Variants in SLC14A2 observed in about 807,000 individuals in gnomAD.
SLC14A2 encodes the protein urea transporter 2.
SLC14A2 carries 91 observed loss-of-function variants against 104.6 expected under a neutral mutation model. The ratio of observed to expected loss-of-function variants is 0.87; its 90% confidence interval spans 0.73 to 1.04. The LOEUF (loss-of-function observed/expected upper bound fraction) is 1.04, where lower values mean the gene tolerates loss of function less well. SLC14A2 is among the 50% of genes least tolerant of loss of function. The pLI, the probability that SLC14A2 is intolerant of heterozygous loss-of-function variation, is 0.00. For synonymous variants in SLC14A2, 476 were observed against 466.4 expected (o/e 1.02, Z -0.27); for missense variants, 1,189 against 1,156.0 (o/e 1.03, Z -0.41).
At chr18:45,269,341 T>C (rs1344084691) in intron 1 of SLC14A2, among the ~76,000 whole-genome samples, 1 of 152,126 alleles carries the variant, frequency 6.6e-6, no homozygotes, top group Non-Finnish European at 1.5e-5. Context: ...CTGTCATTTG[T>C]ACATTACTGA....
Position 45,640,581 on chromosome 18 carries a change from GGTAGGAGCATTGGGA to G in SLC14A2, c.992-621_992-607del, listed in dbSNP as rs773202352. Among the ~76,000 whole-genome samples the G allele has an allele frequency of 9.9e-5, 15 of 152,092 alleles. No individual in the cohort carries two copies. In the South Asian group the frequency reaches 1.9e-3, roughly 19 times the overall value. ...TTCTGACAACAGAGTCAGAGATTGG[GGTAGGAGCATTGGGA>G]GTAGGAACCTGTTTTAGACTTCTTC... On this transcript the variant is annotated intron_variant, in intron 7 of 19. Coordinates refer to ENST00000255226, the MANE Select transcript of SLC14A2 (RefSeq NM_007163.4).
intron 1 of SLC14A2, among the ~76,000 whole-genome samples, chr18:45,269,906 A>T (rs949426494): frequency 1.3e-5 from 2 of 152,130 alleles, no homozygotes; most frequent in Admixed American, 6.6e-5. Flanking sequence ...CTTTTTTTCT[A>T]TATGTGAGAA....
At chr18:45,611,496 C>T (rs1341784970), upstream of SLC14A2, among the ~76,000 whole-genome samples, 1 of 152,214 alleles carries the variant, frequency 6.6e-6, no homozygotes, top group African/African-American at 2.4e-5. Flanking sequence ...CATACCAGCC[C>T]AGCTTGCACA....
At chr18:45,231,571 C>A (rs551267509) in intron 1 of SLC14A2, among the ~76,000 whole-genome samples, 2 of 152,340 alleles carry the variant, frequency 1.3e-5, no homozygotes, top group South Asian at 2.1e-4. Flanking sequence ...AAAAACCCTT[C>A]GTTGTCTCCA....
Position 45,507,041 on chromosome 18 carries a change from G to T in SLC14A2, c.-35+23719G>T, listed in dbSNP as rs2043297685. ...CACTGTCCTTTCCTGTACATTGAAG[G>T]AGATGGACAGGACAAGGTCTACGAA... On this transcript the variant is annotated intron_variant, in intron 2 of 20. Transcript: ENST00000586448. 1.3e-5 allele frequency among the ~76,000 whole-genome samples: 2 copies of T among 152,192 alleles called. 1 individual carries two copies. The highest frequency in any genetic ancestry group is 4.1e-4 in the South Asian group (2 of 4,824).
chr18:45,670,567 T>G (rs1013544154), intron 16 of SLC14A2, among the ~76,000 whole-genome samples: 1 of 152,214 alleles, frequency 6.6e-6, no homozygotes, highest in African/African-American at 2.4e-5. Flanking sequence ...TCTCTTAGCT[T>G]TCCACAGTAA....
chr18:45,308,508 T>C (rs1358822417), intron 1 of SLC14A2, among the ~76,000 whole-genome samples: 1 of 152,154 alleles, frequency 6.6e-6, no homozygotes, highest in East Asian at 1.9e-4. Flanking sequence ...TCGCTGAACA[T>C]CGTGTGTAGC....
chr18:45,625,754 A>AGAC lies in SLC14A2; in HGVS notation c.227_229dup (p.Asp76dup). On this transcript the variant is annotated inframe_insertion, in exon 3 of 20. Coordinates refer to ENST00000255226, the MANE Select transcript of SLC14A2 (RefSeq NM_007163.4). ...AGCTCAATGAAAGGAGTAAAAGGAAAGACGACGGGGTGGCCCATCGGGACT... is the reference window on the plus strand; with the variant it reads ...AGCTCAATGAAAGGAGTAAAAGGAAAGACGACGACGGGGTGGCCCATCGGGACT... The AGAC allele has an allele frequency of 6.4e-7, 1 of 1,566,188 alleles. No individual in the cohort carries two copies. The highest frequency in any genetic ancestry group is 8.6e-7 in the Non-Finnish European group (1 of 1,161,432).
chr18:45,447,777 C>G (rs577014928), intron 1 of SLC14A2, among the ~76,000 whole-genome samples: 1 of 152,036 alleles, frequency 6.6e-6, no homozygotes, highest in Non-Finnish European at 1.5e-5. Flanking sequence ...GCAAATGGAG[C>G]CTTTATACCA....
In SLC14A2 at chr18:45,644,029, T is replaced by G; in HGVS notation, c.1220T>G (p.Ile407Ser). 1 of 1,614,150 alleles carries G rather than the reference T, an allele frequency of 6.2e-7. No homozygotes were observed. The highest frequency in any genetic ancestry group is 8.5e-7 in the Non-Finnish European group (1 of 1,180,010). ...ACCTGGGCCTTCTGCCTTGCCACCA[T>G]CATCTTCCTGCTCCTGACGACAAAC... ...PGTWAFCLAT[I>S]IFLLLTTNNP... Residue 407 changes from isoleucine (I) to serine (S), a missense_variant, in exon 10 of 20, where the codon ATC (isoleucine) becomes AGC (serine). Transcript: ENST00000255226.
At chr18:45,267,097 A>G (rs948328525) in intron 1 of SLC14A2, among the ~76,000 whole-genome samples, 4 of 152,190 alleles carry the variant, frequency 2.6e-5, no homozygotes, top group Non-Finnish European at 5.9e-5. Flanking sequence ...AGGAACATTT[A>G]GTGTTCAGGG....
chr18:45,270,440 G>T (rs546845020), intron 1 of SLC14A2, among the ~76,000 whole-genome samples: 2 of 152,004 alleles, frequency 1.3e-5, no homozygotes. Context: ...CTTCTTCCTG[G>T]TGCTGCATGC....
chr18:45,305,791 C>T (rs1332372812), intron 1 of SLC14A2, among the ~76,000 whole-genome samples: 1 of 152,104 alleles, frequency 6.6e-6, no homozygotes, highest in African/African-American at 2.4e-5. Context: ...TCCAAATGAC[C>T]TTCAGAATTC....
intron 1 of SLC14A2, among the ~76,000 whole-genome samples, chr18:45,223,640 G>C (rs1257444719): frequency 6.6e-6 from 1 of 152,088 alleles, no homozygotes; most frequent in Non-Finnish European, 1.5e-5. Context: ...TCTCCCCAAG[G>C]AGTACTTATG....
chr18:45,186,572 A>G, the SLC14A2 span, among the ~76,000 whole-genome samples: 3 of 152,210 alleles, frequency 2.0e-5, no homozygotes, highest in South Asian at 4.1e-4. Context: ...TTCCTTCCTT[A>G]CAAGAATAGC....
At chr18:45,361,666 T>G (rs887434909) in intron 1 of SLC14A2, among the ~76,000 whole-genome samples, 1 of 152,170 alleles carries the variant, frequency 6.6e-6, no homozygotes, top group African/African-American at 2.4e-5. Flanking sequence ...TGTGGGGGCA[T>G]AAGAGCTAGG....
the SLC14A2 span, among the ~76,000 whole-genome samples, chr18:45,191,322 T>C: frequency 1.8e-4 from 28 of 152,184 alleles, no homozygotes; most frequent in African/African-American, 6.5e-4. Context: ...ATAAATAAAA[T>C]GGAAGCATAT....
In SLC14A2 at chr18:45,682,345, C is replaced by T. The variant is rs2046322440; in HGVS notation, c.2589C>T (p.Pro863=). The change falls in exon 20 of 20, where the codon CCC becomes CCT. Residue 863 remains proline (P), a synonymous_variant. Transcript: ENST00000255226. Reference sequence around the variant, plus strand: ...TTGGATTGCCGCCCTGCACTTGGCCCTTCTGTCTCTCAGCTCTCACCTTCC... The same window carrying T: ...TTGGATTGCCGCCCTGCACTTGGCCTTTCTGTCTCTCAGCTCTCACCTTCC... ...SVFGLPPCTW[P]FCLSALTFLL... is the part of the protein sequence containing the mutation. The T allele has an allele frequency of 6.2e-7, 1 of 1,614,128 alleles. No individual in the cohort carries two copies. The highest frequency in any genetic ancestry group is 8.5e-7 in the Non-Finnish European group (1 of 1,180,018).
rs1053739188 is a variant in SLC14A2, at chr18:45,673,882, T to A, written c.2512+65T>A. 56 of 1,530,278 alleles carry A rather than the reference T, an allele frequency of 3.7e-5. 1 individual carries two copies. In the Middle Eastern group the frequency reaches 3.2e-3, roughly 88 times the overall value. 94.8% of individuals were successfully genotyped at this position (1,530,278 alleles called of 1,614,324 possible). On this transcript the variant is annotated intron_variant, in intron 18 of 19. Transcript: ENST00000255226. ...GGCTTTTTACATAAAACTGTTTTTT[T>A]ATGTTTTTTAATGGTTATTTAGTAA... is the stretch of plus-strand genomic sequence containing the variant.
Sources: allele counts gnomAD v4.1 joint callset (sites outside exome capture counted in the v4.1 genomes callset), GRCh38; gene constraint gnomAD v4.1.1; transcripts MANE v1.5; gene names NCBI Gene and HGNC (gene_info 2026-07-23, HGNC 2026-07-21).